The following NKAIN3 variants were observed in gnomAD, a reference collection of about 807,000 sequenced individuals.
NKAIN3 encodes sodium/potassium transporting ATPase interacting 3, also known as sodium/potassium-transporting ATPase subunit beta-1-interacting protein 3.
Under a neutral mutation model 30.2 loss-of-function variants are expected in NKAIN3, and 25 were observed. The ratio of observed to expected loss-of-function variants is 0.83; its 90% CI spans 0.60 to 1.16. The LOEUF (loss-of-function observed/expected upper bound fraction) is 1.16, where lower values mean the gene tolerates loss of function less well. Ranked by LOEUF, NKAIN3 falls within the 50% of genes most tolerant of loss-of-function variation. The pLI is 0.00. For synonymous variants in NKAIN3, 91 were observed against 89.6 expected (o/e 1.02, Z -0.09); for missense variants, 225 against 254.1 (o/e 0.89, Z 0.78).
intron 1 of NKAIN3, among the ~76,000 whole-genome samples, chr8:62,560,531 CTTTTT>C (rs869256384): frequency 1.8e-3 from 82 of 45,366 alleles, no homozygotes; most frequent in African/African-American, 6.7e-3. Flanking sequence ...TTTTTCTTTT[CTTTTT>C]TTTTTTTTTT....
At chr8:62,872,450 T>C (rs1253143028) in intron 4 of NKAIN3, among the ~76,000 whole-genome samples, 1 of 152,198 alleles carries the variant, frequency 6.6e-6, no homozygotes, top group Non-Finnish European at 1.5e-5. Context: ...GTAAAGCTCA[T>C]GCACAACAGC....
chr8:62,573,800 A>T (rs143574833), intron 1 of NKAIN3, among the ~76,000 whole-genome samples: 14 of 152,210 alleles, frequency 9.2e-5, no homozygotes, highest in African/African-American at 3.4e-4. Context: ...TGATTTTATG[A>T]TAAAGGCTTG....
chr8:62,763,314 T>C (rs746653630), intron 4 of NKAIN3, among the ~76,000 whole-genome samples: 1 of 149,698 alleles, frequency 6.7e-6, no homozygotes, highest in Non-Finnish European at 1.5e-5. Context: ...AAGTATGCCT[T>C]CTCAGATTGG....
At chr8:62,812,645 T>C (rs575448603) in intron 4 of NKAIN3, among the ~76,000 whole-genome samples, 119 of 151,926 alleles carry the variant, frequency 7.8e-4, no homozygotes, top group Non-Finnish European at 1.4e-3. Flanking sequence ...TATAGACAAT[T>C]ATGTCATCTG....
intron 1 of NKAIN3, among the ~76,000 whole-genome samples, chr8:62,501,421 A>G (rs1382618864): frequency 6.6e-6 from 1 of 152,062 alleles, no homozygotes; most frequent in Non-Finnish European, 1.5e-5. Context: ...CAGGGCTGGT[A>G]TTCTTCTGCT....
chr8:62,968,711 C>T lies in NKAIN3; in HGVS notation c.*3304C>T, dbSNP rs1462057954. On this transcript the variant is annotated 3_prime_UTR_variant, in exon 7 of 7. Coordinates refer to ENST00000623646, the MANE Select transcript of NKAIN3 (RefSeq NM_001304533.3). ...CCACCTTAGCACTGAGTCTTGTAAA[C>T]CTTGGCCAGCCCTTCCTCAGGCCGT... Among the ~76,000 whole-genome samples the T allele has an allele frequency of 6.6e-6, 1 of 152,166 alleles. No homozygotes were observed. Among genetic ancestry groups the T allele is most frequent in the Non-Finnish European group, 1.5e-5 (1 of 68,042 alleles).
chr8:62,739,083 G>A (rs1033048592), intron 3 of NKAIN3, among the ~76,000 whole-genome samples: 3 of 152,082 alleles, frequency 2.0e-5, no homozygotes, highest in African/African-American at 7.2e-5. Context: ...ATGGACACAG[G>A]GAGGGAAACA....
chr8:62,256,318 T>C (rs2625412), intron 1 of NKAIN3, among the ~76,000 whole-genome samples: 2,442 of 152,018 alleles, frequency 0.016, 40 homozygotes, highest in Middle Eastern at 0.041. Flanking sequence ...TCCTTGGAGA[T>C]TGAGGTGGGA....
intron 1 of NKAIN3, among the ~76,000 whole-genome samples, chr8:62,381,284 G>T (rs1817267028): frequency 1.3e-5 from 2 of 152,008 alleles, no homozygotes; most frequent in African/African-American, 4.8e-5. Context: ...AAAAGACTGA[G>T]AATCAGTTTT....
intron 4 of NKAIN3, among the ~76,000 whole-genome samples, chr8:62,908,318 C>T (rs1821840183): frequency 6.6e-6 from 1 of 152,048 alleles, no homozygotes; most frequent in African/African-American, 2.4e-5. Context: ...GTGGAAGGGA[C>T]TTGCTTTATC....
At chr8:62,777,144 G>A (rs868773728) in intron 4 of NKAIN3, among the ~76,000 whole-genome samples, 14 of 152,112 alleles carry the variant, frequency 9.2e-5, no homozygotes, top group Middle Eastern at 6.8e-3. Flanking sequence ...TCGACTTTTG[G>A]GAGTTTGATT....
chr8:62,860,896 G>C (rs1299678192), intron 4 of NKAIN3, among the ~76,000 whole-genome samples: 1 of 152,196 alleles, frequency 6.6e-6, no homozygotes, highest in Non-Finnish European at 1.5e-5. Context: ...TAAGGGGACA[G>C]TGAAGCTCTT....
rs1563399636 is a variant in NKAIN3, at chr8:62,440,038, T to C, written c.55-139501T>C. 3.9e-5 allele frequency among the ~76,000 whole-genome samples: 6 copies of C among 152,230 alleles called. No homozygotes were observed. The East Asian group carries it at 1.2e-3, about 29-fold the overall frequency. ...CCACTTTTTCATTGAATTCTGCCTT[T>C]CTTTTTAGCCAAAATTGGGTCCTTT... is the stretch of plus-strand genomic sequence containing the variant. On this transcript the variant is annotated intron_variant, in intron 1 of 6. Transcript: ENST00000623646.
chr8:62,606,101 G>A (rs1024842856), intron 3 of NKAIN3, among the ~76,000 whole-genome samples: 6 of 151,984 alleles, frequency 3.9e-5, no homozygotes, highest in African/African-American at 1.4e-4. Flanking sequence ...ATAAATGTGC[G>A]TCGATCCACC....
intron 1 of NKAIN3, among the ~76,000 whole-genome samples, chr8:62,322,110 C>T (rs1005519096): frequency 7.2e-5 from 11 of 152,178 alleles, no homozygotes; most frequent in East Asian, 1.9e-4. Context: ...GCTCTGTGGG[C>T]GTAGGACCCT....
chr8:62,543,301 T>G (rs1282260816), intron 1 of NKAIN3, among the ~76,000 whole-genome samples: 2 of 152,178 alleles, frequency 1.3e-5, no homozygotes, highest in Non-Finnish European at 2.9e-5. Flanking sequence ...CTTCCTTTGG[T>G]CCATCTAGCT....
intron 3 of NKAIN3, among the ~76,000 whole-genome samples, chr8:62,608,555 G>A (rs9693856): frequency 0.019 from 2,918 of 152,180 alleles, 94 homozygotes; most frequent in African/African-American, 0.067. Context: ...GCCACTCTTG[G>A]CAAACATGCA....
intron 5 of NKAIN3, among the ~76,000 whole-genome samples, chr8:62,930,112 G>C (rs554431054): frequency 6.6e-5 from 10 of 152,114 alleles, no homozygotes; most frequent in African/African-American, 2.4e-4. Flanking sequence ...AGTGGCATTA[G>C]GTACATTCAG....
intron 1 of NKAIN3, among the ~76,000 whole-genome samples, chr8:62,440,695 CTTCT>C (rs1386738278): frequency 1.5e-5 from 2 of 135,054 alleles, no homozygotes; most frequent in Admixed American, 7.8e-5. Context: ...TTTTCTTCTT[CTTCT>C]TTATTTTTTT....
Sources: gnomAD v4.1 joint callset for allele counts (sites outside exome capture counted in the v4.1 genomes callset) on GRCh38, gnomAD v4.1.1 for gene constraint, MANE v1.5 for transcripts, NCBI Gene and HGNC (gene_info 2026-07-23, HGNC 2026-07-21) for gene names.